The following LCA5 variants were observed in gnomAD, a reference collection of about 807,000 sequenced individuals.
LCA5 encodes the protein lebercilin.
In LCA5, 37 loss-of-function variants were observed where a neutral mutation model predicts 53.0. The observed-to-expected ratio is 0.70, with a 90% confidence interval of 0.54 to 0.92. The LOEUF is 0.92. Among genes scored for constraint, LCA5 ranks in the 40% least tolerant of loss-of-function variants. The probability of loss-of-function intolerance (pLI) is 0.00; values close to 1 mark genes in which losing one functional copy is unlikely to be tolerated. For missense variants in LCA5, 806 were observed against 790.5 expected (o/e 1.02, Z -0.23); for synonymous variants, 303 against 282.9 (o/e 1.07, Z -0.71).
chr6:79,513,566 G>A lies in LCA5; in HGVS notation c.366C>T (p.Leu122=), dbSNP rs766335747. The change falls in exon 3 of 8, where the codon CTC becomes CTT. Residue 122 remains leucine, a synonymous_variant. Transcript: ENST00000369846. ...TTAGCAGCTCAGCTAACTTGACCTGGAGTTCAGATACTTCATTCTGCAACT... is the reference window on the plus strand; with the variant it reads ...TTAGCAGCTCAGCTAACTTGACCTGAAGTTCAGATACTTCATTCTGCAACT... The part of the protein sequence containing the change: ...INELQNEVSE[L]QVKLAELLKE... 1.2e-6 allele frequency: 2 copies of A among 1,613,782 alleles called. No homozygotes were observed. Among genetic ancestry groups the A allele is most frequent in the Middle Eastern group, 1.7e-4 (1 of 6,054 alleles).
intron 1 of LCA5, among the ~76,000 whole-genome samples, chr6:79,533,606 C>G (rs1273692407): frequency 6.6e-6 from 1 of 150,794 alleles, no homozygotes; most frequent in Non-Finnish European, 1.5e-5. Flanking sequence ...GTAAAAAGTC[C>G]CAAACAGTAA....
chr6:79,535,588 A>G (rs908409434), intron 1 of LCA5, among the ~76,000 whole-genome samples: 1 of 152,136 alleles, frequency 6.6e-6, no homozygotes, highest in South Asian at 2.1e-4. Flanking sequence ...TTCAAGCAGG[A>G]CAGCTTTGGC....
chr6:79,527,519 A>G (rs970588952), intron 1 of LCA5, among the ~76,000 whole-genome samples: 7 of 152,328 alleles, frequency 4.6e-5, no homozygotes, highest in Admixed American at 6.5e-5. Context: ...TCACAGGCAA[A>G]TAAGTATCTT....
intron 2 of LCA5, among the ~76,000 whole-genome samples, chr6:79,518,375 G>T (rs553935634): frequency 1.3e-4 from 19 of 151,974 alleles, no homozygotes; most frequent in Non-Finnish European, 2.6e-4. Flanking sequence ...GATACAAAAA[G>T]GTACATATGA....
chr6:79,496,777 G>A (rs997741970), intron 3 of LCA5, among the ~76,000 whole-genome samples: 3 of 151,872 alleles, frequency 2.0e-5, no homozygotes, highest in African/African-American at 7.3e-5. Flanking sequence ...GAAGCTTCTG[G>A]GTTGACAGAC....
chr6:79,487,447 A>C lies in LCA5; in HGVS notation c.1651T>G (p.Phe551Val). The C allele has an allele frequency of 6.2e-7, 1 of 1,613,840 alleles. No individual in the cohort carries two copies. The highest frequency in any genetic ancestry group is 2.2e-5 in the East Asian group (1 of 44,876). ...NVRSPASPNE[F>V]AFGSYVPSFA... ...GAAGGCACGTAGCTACCAAATGCGA[A>C]CTCATTAGGGGAGGCTGGACTTCTA... The change falls in exon 8 of 8, where the codon TTC (phenylalanine) becomes GTC (valine). Residue 551 changes from phenylalanine (F) to valine (V), a missense_variant. Transcript: ENST00000369846.
At chr6:79,489,338 T>A in intron 6 of LCA5, 122 bp from the exon 7 acceptor site, 1 of 978,868 alleles carries the variant, frequency 1.0e-6, no homozygotes, top group Non-Finnish European at 1.5e-6. Context: ...AAATTTTCAA[T>A]TAATGAATCA....
chr6:79,486,857 A>G lies in LCA5; in HGVS notation c.*147T>C. The stretch of plus-strand genomic sequence containing the variant: ...TATCTATGTGGTGTATGTATGATCT[A>G]CTTCTTTTTAACTGCATTGTATTTA... On this transcript the variant is annotated 3_prime_UTR_variant, in exon 8 of 8. Transcript: ENST00000369846. 1 of 672,530 alleles carries G rather than the reference A, an allele frequency of 1.5e-6. No homozygotes were observed. Among genetic ancestry groups the G allele is most frequent in the Non-Finnish European group, 2.4e-6 (1 of 410,878 alleles). The allele number at this position is 672,530 out of a possible 1,614,324, so 41.7% of individuals were successfully genotyped here.
intron 3 of LCA5, among the ~76,000 whole-genome samples, chr6:79,496,822 C>G (rs774177365): frequency 6.6e-6 from 1 of 151,950 alleles, no homozygotes; most frequent in Admixed American, 6.6e-5. Context: ...AAAACATTAC[C>G]AATATGCCCT....
In LCA5 at chr6:79,518,866, G is replaced by C; in HGVS notation, c.29C>G (p.Thr10Ser). The C allele has an allele frequency of 1.2e-6, 2 of 1,614,108 alleles. No individual in the cohort carries two copies. The highest frequency in any genetic ancestry group is 1.7e-6 in the Non-Finnish European group (2 of 1,179,990). MGERAGSPGTDQERKAGKHH... is the reference protein window; with the variant it reads MGERAGSPGSDQERKAGKHH... Reference sequence around the variant, plus strand: ...TTTGCCTGCCTTTCTTTCTTGATCAGTACCTGGACTTCCTGCTCTTTCCCC... The same window carrying C: ...TTTGCCTGCCTTTCTTTCTTGATCACTACCTGGACTTCCTGCTCTTTCCCC... The change falls in exon 2 of 8, where the codon ACT becomes AGT. Residue 10 changes from threonine (T) to serine (S), a missense_variant. Coordinates refer to ENST00000369846, the MANE Select transcript of LCA5 (RefSeq NM_001122769.3).
chr6:79,495,791 G>T (rs971303941), intron 3 of LCA5, among the ~76,000 whole-genome samples: 2 of 150,090 alleles, frequency 1.3e-5, no homozygotes, highest in Admixed American at 1.3e-4. Flanking sequence ...GCATCCAAAG[G>T]TTTCACACAC....
intron 1 of LCA5, among the ~76,000 whole-genome samples, chr6:79,526,088 C>A (rs923190430): frequency 7.2e-5 from 11 of 152,126 alleles, no homozygotes; most frequent in African/African-American, 2.4e-4. Flanking sequence ...GAAGGCCTCC[C>A]GAACTAAGAC....
intron 3 of LCA5, among the ~76,000 whole-genome samples, chr6:79,494,389 T>C (rs1014653924): frequency 2.6e-5 from 4 of 152,174 alleles, no homozygotes; most frequent in East Asian, 1.9e-4. Context: ...TCTTCAAACA[T>C]GGCCCATCAG....
intron 2 of LCA5, among the ~76,000 whole-genome samples, chr6:79,518,303 A>C (rs942381943): frequency 1.3e-5 from 2 of 152,158 alleles, no homozygotes; most frequent in African/African-American, 4.8e-5. Context: ...AATTTTACTC[A>C]ATCTATTAAA....
intron 1 of LCA5, among the ~76,000 whole-genome samples, chr6:79,524,988 T>C (rs1366813979): frequency 1.3e-5 from 2 of 152,102 alleles, no homozygotes; most frequent in Admixed American, 6.6e-5. Flanking sequence ...TTTCAATTTA[T>C]CTTCTAAACC....
intron 3 of LCA5, among the ~76,000 whole-genome samples, chr6:79,505,168 C>A (rs12206063): frequency 0.35 from 53,095 of 152,000 alleles, 9,704 homozygotes; most frequent in Middle Eastern, 0.51. Flanking sequence ...ATTGCCTTAA[C>A]AGTTGTTCTA....
chr6:79,491,671 A>G lies in LCA5; in HGVS notation c.1015T>C (p.Phe339Leu). The change falls in exon 6 of 8, where the codon TTC becomes CTC. Residue 339 changes from phenylalanine to leucine, a missense_variant. Phe to Leu is a conservative substitution (Grantham distance 22). Transcript: ENST00000369846. The part of the protein sequence containing the change: ...CTKGVQTMED[F>L]KPEEYPLTPE... ...GTTAAAGGATATTCTTCTGGCTTGAAGTCTTCCATGGTTTGTACTCCTTTT... is the reference window on the plus strand; with the variant it reads ...GTTAAAGGATATTCTTCTGGCTTGAGGTCTTCCATGGTTTGTACTCCTTTT... 1 of 1,613,200 alleles carries G rather than the reference A, an allele frequency of 6.2e-7. No homozygotes were observed. The highest frequency in any genetic ancestry group is 8.5e-7 in the Non-Finnish European group (1 of 1,179,318).
At chr6:79,501,993 G>T (rs189820258) in intron 3 of LCA5, among the ~76,000 whole-genome samples, 1 of 152,006 alleles carries the variant, frequency 6.6e-6, no homozygotes, top group Non-Finnish European at 1.5e-5. Context: ...GCAGGGCAGT[G>T]GGGGGAAGAA....
chr6:79,507,495 T>G (rs1177888137), intron 3 of LCA5, among the ~76,000 whole-genome samples: 4 of 152,164 alleles, frequency 2.6e-5, no homozygotes, highest in African/African-American at 9.7e-5. Flanking sequence ...GTTTTTCTTC[T>G]ATAAAAGTTA....
Sources: allele counts gnomAD v4.1 joint callset (sites outside exome capture counted in the v4.1 genomes callset), GRCh38; gene constraint gnomAD v4.1.1; transcripts MANE v1.5; gene names NCBI Gene and HGNC (gene_info 2026-07-23, HGNC 2026-07-21).